SLC25A48: variants seen among roughly 807,000 people sequenced by gnomAD.
SLC25A48 encodes CTC-321K16.1.
SLC25A48 carries 29 observed loss-of-function variants against 32.2 expected under a neutral mutation model. That is an observed-to-expected ratio of 0.90 (90% CI 0.67 to 1.23). SLC25A48 has a LOEUF of 1.23. SLC25A48 is among the 50% of genes most tolerant of loss of function. SLC25A48 has a pLI of 0.00. For missense variants in SLC25A48, 399 were observed against 422.7 expected, an observed-to-expected ratio of 0.94 and a Z score of 0.49; for synonymous variants, 164 against 172.3, an observed-to-expected ratio of 0.95 and a Z score of 0.38.
intron 1 of SLC25A48, among the ~76,000 whole-genome samples, chr5:135,586,346 A>G (rs1751366285): frequency 1.3e-5 from 2 of 152,254 alleles, no homozygotes; most frequent in South Asian, 4.1e-4. Flanking sequence ...TGTCAACTTT[A>G]ACAAACAAAA....
At chr5:135,738,029 CG>C (rs1485583339) in intron 3 of SLC25A48, among the ~76,000 whole-genome samples, 1 of 152,128 alleles carries the variant, frequency 6.6e-6, no homozygotes, top group Non-Finnish European at 1.5e-5. Context: ...CAATGATCCA[CG>C]GGGAAATGAC....
intron 3 of SLC25A48, among the ~76,000 whole-genome samples, chr5:135,809,342 T>G (rs2126649805): frequency 6.6e-6 from 1 of 152,278 alleles, no homozygotes; most frequent in South Asian, 2.1e-4. Flanking sequence ...GAATAACTTT[T>G]CTGGAATGAG....
intron 7 of SLC25A48, among the ~76,000 whole-genome samples, chr5:135,887,233 C>A (rs560542688): frequency 1.3e-5 from 2 of 152,094 alleles, no homozygotes; most frequent in South Asian, 2.1e-4. Flanking sequence ...GTTTTTGCGG[C>A]GAAGTCTGGC....
chr5:135,680,619 T>G (rs4437366), intron 3 of SLC25A48, among the ~76,000 whole-genome samples: 122,766 of 152,110 alleles, frequency 0.81, 49,773 homozygotes, highest in Middle Eastern at 0.9. Context: ...TTACATAGTG[T>G]CAGGCAAGAG....
At chr5:135,581,657 C>G (rs546398766) in intron 1 of SLC25A48, among the ~76,000 whole-genome samples, 2 of 152,350 alleles carry the variant, frequency 1.3e-5, no homozygotes, top group East Asian at 3.9e-4. Flanking sequence ...CCAACGTTCC[C>G]CAGCTTCTTG....
At chr5:135,802,265 G>A (rs1757349583) in intron 3 of SLC25A48, among the ~76,000 whole-genome samples, 1 of 151,532 alleles carries the variant, frequency 6.6e-6, no homozygotes, top group African/African-American at 2.4e-5. Context: ...TGTATACCCT[G>A]TGATATTATC....
At chr5:135,835,315 G>A (rs1036025140) in intron 1 of SLC25A48, among the ~76,000 whole-genome samples, 2 of 152,142 alleles carry the variant, frequency 1.3e-5, no homozygotes, top group Admixed American at 6.5e-5. Flanking sequence ...GGTGGTGGGA[G>A]CCAGGCTTCG....
chr5:135,782,113 A>AG lies in SLC25A48; in HGVS notation c.-520-30406dup, dbSNP rs1379062537. ...ATTAGGATACTAGACCCAATATAAC[A>AG]GGGGTTGAACATCTCCCCTGTGATA... is the stretch of plus-strand genomic sequence containing the variant. On this transcript the variant is annotated intron_variant, in intron 3 of 10. Coordinates refer to the SLC25A48 transcript ENST00000646290. Among the ~76,000 whole-genome samples, 2 of 116,236 alleles carry AG rather than the reference A, an allele frequency of 1.7e-5. 1 individual carries two copies. Among genetic ancestry groups the AG allele is most frequent in the East Asian group, 4.3e-4 (2 of 4,616 alleles). 76.3% of individuals were successfully genotyped at this position (116,236 alleles called of 152,430 possible).
Position 135,629,056 on chromosome 5 carries a change from G to A in SLC25A48, c.-848-181G>A, listed in dbSNP as rs73791010. Among the ~76,000 whole-genome samples the A allele has an allele frequency of 9.5e-3, 1,439 of 152,238 alleles. 27 individuals carry two copies. The highest frequency in any genetic ancestry group is 0.033 in the African/African-American group (1,368 of 41,532). On this transcript the variant is annotated intron_variant, in intron 1 of 10. Transcript: ENST00000646290. The surrounding 1 kb of genome is among the most constrained non-coding windows in gnomAD (Gnocchi z 4.8). ...GTCCCTTTTCATAAATTCCCCAGCA[G>A]TTAGAACAGCCATTAAACTGTGACT...
At chr5:135,842,561 C>A in intron 2 of SLC25A48, 102 bp downstream of exon 2, 1 of 1,242,480 alleles carries the variant, frequency 8.0e-7, no homozygotes, top group Non-Finnish European at 1.2e-6. Flanking sequence ...GAGTCTTCTG[C>A]CCAGGGCAGA....
intron 3 of SLC25A48, among the ~76,000 whole-genome samples, chr5:135,790,186 C>T (rs952023028): frequency 6.6e-6 from 1 of 151,488 alleles, no homozygotes; most frequent in Non-Finnish European, 1.5e-5. Context: ...TGATATTATT[C>T]ATAATAATCT....
intron 1 of SLC25A48, among the ~76,000 whole-genome samples, chr5:135,584,358 G>T (rs1446935136): frequency 1.3e-5 from 2 of 152,204 alleles, no homozygotes; most frequent in African/African-American, 2.4e-5. Context: ...AGGAGAAAAA[G>T]AAAGGCAATT....
intron 3 of SLC25A48, among the ~76,000 whole-genome samples, chr5:135,727,624 T>C (rs1441442948): frequency 6.6e-6 from 1 of 152,188 alleles, no homozygotes; most frequent in Non-Finnish European, 1.5e-5. Context: ...TTGGCTCATA[T>C]ATTGTCAATT....
intron 2 of SLC25A48, among the ~76,000 whole-genome samples, chr5:135,630,856 C>A (rs572926690): frequency 3.9e-5 from 6 of 152,014 alleles, no homozygotes; most frequent in Non-Finnish European, 7.4e-5. Context: ...CCTGCCTTGG[C>A]CTCCCAAAGG....
intron 3 of SLC25A48, among the ~76,000 whole-genome samples, chr5:135,750,001 C>T (rs1031644142): frequency 4.6e-5 from 7 of 152,186 alleles, no homozygotes; most frequent in African/African-American, 1.2e-4. Flanking sequence ...CACCATCCAT[C>T]GTCTGTCTCT....
intron 2 of SLC25A48, chr5:135,634,705 G>T (rs1393888586): frequency 6.6e-6 from 1 of 152,292 alleles, no homozygotes; most frequent in African/African-American, 2.4e-5. Context: ...ACCCTCAAAA[G>T]GGGGTGAAGT....
chr5:135,827,265 T>G (rs1449619347), intron 4 of SLC25A48: 1 of 152,288 alleles, frequency 6.6e-6, no homozygotes, highest in Non-Finnish European at 1.5e-5. Flanking sequence ...CTTTGTTTGC[T>G]TTGACACTCA....
intron 3 of SLC25A48, among the ~76,000 whole-genome samples, chr5:135,850,761 C>T (rs1443756074): frequency 2.0e-5 from 3 of 152,202 alleles, no homozygotes; most frequent in Non-Finnish European, 4.4e-5. Context: ...TCTGGAGCTG[C>T]AGTGTGGAAA....
At chr5:135,871,060 G>GACACACACACACAC (rs10569008) in intron 4 of SLC25A48, among the ~76,000 whole-genome samples, 1 of 137,610 alleles carries the variant, frequency 7.3e-6, no homozygotes, top group South Asian at 2.6e-4. Context: ...TGTGTACACA[G>GACACACACACACAC]ACACACACAC....
Sources: gnomAD v4.1 joint callset for allele counts (sites outside exome capture counted in the v4.1 genomes callset) on GRCh38, gnomAD v4.1.1 for gene constraint, Gnocchi (gnomAD v3.1) non-coding constraint, MANE v1.5 for transcripts, NCBI Gene and HGNC (gene_info 2026-07-23, HGNC 2026-07-21) for gene names.